Variants in COMMD10 observed in about 807,000 individuals in gnomAD.
COMMD10 encodes COMM domain containing 10, also known as COMM domain-containing protein 10.
COMMD10 carries 33 observed loss-of-function variants against 28.9 expected under a neutral mutation model. The ratio of observed to expected loss-of-function variants is 1.14; its 90% CI spans 0.87 to 1.53. The LOEUF is 1.53. Among genes scored for constraint, COMMD10 ranks in the 40% most tolerant of loss-of-function variants. The pLI is 0.00. For synonymous variants in COMMD10, 110 were observed against 81.7 expected (o/e 1.35, Z -1.87); for missense variants, 310 against 233.4 (o/e 1.33, Z -2.14).
chr5:116,226,382 A>G (rs1319702696), intron 5 of COMMD10, among the ~76,000 whole-genome samples: 1 of 150,970 alleles, frequency 6.6e-6, no homozygotes, highest in Non-Finnish European at 1.5e-5. Flanking sequence ...AACTCTTCCA[A>G]ATTTGTAAGT....
chr5:116,141,939 C>A (rs10079466), intron 5 of COMMD10, among the ~76,000 whole-genome samples: 75,408 of 151,620 alleles, frequency 0.5, 21,763 homozygotes, highest in Non-Finnish European at 0.65. Flanking sequence ...TGTCCTCTCT[C>A]AAGTGAAATG....
chr5:116,239,118 A>G (rs1432595867), intron 5 of COMMD10, among the ~76,000 whole-genome samples: 3 of 152,124 alleles, frequency 2.0e-5, no homozygotes, highest in Admixed American at 6.5e-5. Flanking sequence ...TTTTTTGCCA[A>G]TCGCAAATTT....
intron 5 of COMMD10, among the ~76,000 whole-genome samples, chr5:116,233,223 C>A (rs1749571881): frequency 1.3e-5 from 2 of 152,018 alleles, no homozygotes; most frequent in South Asian, 4.1e-4. Flanking sequence ...GAGAGAAAGA[C>A]TACATTCTCA....
At chr5:116,140,669 G>A (rs1752170091) in intron 5 of COMMD10, among the ~76,000 whole-genome samples, 1 of 151,728 alleles carries the variant, frequency 6.6e-6, no homozygotes, top group Non-Finnish European at 1.5e-5. Flanking sequence ...TTCCCTAATG[G>A]TTAGTGATAT....
intron 5 of COMMD10, among the ~76,000 whole-genome samples, chr5:116,175,053 A>G (rs1753458235): frequency 1.3e-5 from 2 of 152,070 alleles, no homozygotes; most frequent in African/African-American, 4.8e-5. Context: ...TTTCATAACT[A>G]TTTCCTTTAC....
chr5:116,207,170 A>T (rs1013211422), intron 5 of COMMD10, among the ~76,000 whole-genome samples: 1 of 152,156 alleles, frequency 6.6e-6, no homozygotes, highest in African/African-American at 2.4e-5. Flanking sequence ...GTTATATTCA[A>T]TCTAGAATAT....
chr5:116,188,466 A>G (rs981243434), intron 5 of COMMD10: 1 of 151,998 alleles, frequency 6.6e-6, no homozygotes, highest in Admixed American at 6.6e-5. Context: ...AAAAAATGGA[A>G]CACTTCACAA....
At chr5:116,197,901 T>C (rs1748570559) in intron 5 of COMMD10, among the ~76,000 whole-genome samples, 1 of 152,168 alleles carries the variant, frequency 6.6e-6, no homozygotes. Context: ...AAATACTAAG[T>C]GCAGATTCAC....
At chr5:116,141,543 G>A (rs112341023) in intron 5 of COMMD10, among the ~76,000 whole-genome samples, 5 of 151,694 alleles carry the variant, frequency 3.3e-5, no homozygotes, top group Admixed American at 6.6e-5. Flanking sequence ...ATTCATGAAC[G>A]TGGGATATCT....
At chr5:116,287,854 C>T (rs1245622867) in intron 5 of COMMD10, among the ~76,000 whole-genome samples, 1 of 151,728 alleles carries the variant, frequency 6.6e-6, no homozygotes, top group African/African-American at 2.4e-5. Context: ...CTTTACTGCT[C>T]CACTTCTCCA....
intron 5 of COMMD10, among the ~76,000 whole-genome samples, chr5:116,192,800 C>T (rs890636282): frequency 6.6e-6 from 1 of 152,134 alleles, no homozygotes; most frequent in Non-Finnish European, 1.5e-5. Context: ...CATCCAAATA[C>T]AAGAAGCACA....
At chr5:116,283,293 T>G (rs957382879) in intron 5 of COMMD10, among the ~76,000 whole-genome samples, 2 of 151,840 alleles carry the variant, frequency 1.3e-5, no homozygotes, top group Non-Finnish European at 2.9e-5. Context: ...TTCATTTGTA[T>G]GGAAGGGTGT....
At chr5:116,257,206 C>A in intron 5 of COMMD10, among the ~76,000 whole-genome samples, 1 of 135,864 alleles carries the variant, frequency 7.4e-6, no homozygotes, top group East Asian at 2.2e-4. Flanking sequence ...CATAAGGCCA[C>A]TTACGGAATT....
intron 5 of COMMD10, among the ~76,000 whole-genome samples, chr5:116,280,221 T>C (rs1025686873): frequency 1.3e-5 from 2 of 151,920 alleles, no homozygotes; most frequent in South Asian, 2.1e-4. Context: ...TACATAGGTG[T>C]ACTTTTCAAC....
At chr5:116,245,265 C>T (rs1048114636) in intron 5 of COMMD10, among the ~76,000 whole-genome samples, 1 of 152,012 alleles carries the variant, frequency 6.6e-6, no homozygotes, top group African/African-American at 2.4e-5. Context: ...ATAAATTCCT[C>T]AACACAGCTA....
intron 5 of COMMD10, among the ~76,000 whole-genome samples, chr5:116,173,569 A>T (rs530415011): frequency 6.6e-6 from 1 of 152,154 alleles, no homozygotes; most frequent in Non-Finnish European, 1.5e-5. Flanking sequence ...TTCATCCTCT[A>T]TAATGAAGTA....
At chr5:116,285,906 G>T (rs254174) in intron 5 of COMMD10, among the ~76,000 whole-genome samples, 70,943 of 151,468 alleles carry the variant, frequency 0.47, 18,651 homozygotes, top group African/African-American at 0.71. Context: ...ATCTCCTCTT[G>T]TTCAAGTTTT....
chr5:116,111,596 G>C (rs944665371), intron 4 of COMMD10, among the ~76,000 whole-genome samples: 7 of 151,944 alleles, frequency 4.6e-5, no homozygotes, highest in Non-Finnish European at 1.0e-4. Context: ...TCTTGATATT[G>C]ATTTCTTGGT....
At chr5:116,192,579 C>G (rs900037556) in intron 5 of COMMD10, among the ~76,000 whole-genome samples, 2 of 151,766 alleles carry the variant, frequency 1.3e-5, no homozygotes, top group Non-Finnish European at 2.9e-5. Context: ...ATTCAGAGCT[C>G]AAAGATAAGG....
Sources: allele counts gnomAD v4.1 joint callset (sites outside exome capture counted in the v4.1 genomes callset), GRCh38; gene constraint gnomAD v4.1.1; transcripts MANE v1.5; gene names NCBI Gene and HGNC (gene_info 2026-07-23, HGNC 2026-07-21).